KLHL4: variants seen among roughly 807,000 people sequenced by gnomAD.
KLHL4 encodes the protein kelch like family member 4.
Under a neutral mutation model 45.8 loss-of-function variants are expected in KLHL4, and 17 were observed. That is an observed-to-expected ratio of 0.37 (90% CI 0.25 to 0.56). The LOEUF (loss-of-function observed/expected upper bound fraction) is 0.56. Ranked by LOEUF, KLHL4 falls within the 20% of genes least tolerant of loss-of-function variation. The pLI is 0.79. For synonymous variants in KLHL4, 224 were observed against 189.9 expected (o/e 1.18, Z -1.47); for missense variants, 544 against 544.9 (o/e 1.00, Z 0.02).
chrX:87,649,276 CATAA>C lies in KLHL4; in HGVS notation c.1925+13505_1925+13508del, dbSNP rs963746612. Among the ~76,000 whole-genome samples the C allele has an allele frequency of 2.7e-5, 3 of 111,588 alleles. No individual in the cohort carries two copies. In the Admixed American group the frequency reaches 2.9e-4, roughly 11 times the overall value. ...TCTAGTTACCTCATAAAAGTGGAAT[CATAA>C]ATAGTTATTATTTTATGATTGTCAT... On this transcript the variant is annotated intron_variant, in intron 9 of 10. Coordinates refer to ENST00000373119, the MANE Select transcript of KLHL4 (RefSeq NM_019117.5).
At chrX:87,630,339 GA>G (rs1923056368) in intron 6 of KLHL4, among the ~76,000 whole-genome samples, 1 of 110,943 alleles carries the variant, frequency 9.0e-6, no homozygotes, top group Non-Finnish European at 1.9e-5. Context: ...TAATTGGGAT[GA>G]AATTTTTTTT....
chrX:87,630,734 C>T (rs2147822990), intron 6 of KLHL4, among the ~76,000 whole-genome samples: 1 of 111,765 alleles, frequency 8.9e-6, no homozygotes, highest in East Asian at 2.8e-4. Context: ...AAACTTTGCA[C>T]ATTAGTAATT....
intron 6 of KLHL4, among the ~76,000 whole-genome samples, chrX:87,628,832 T>A (rs1157031878): frequency 8.9e-6 from 1 of 112,205 alleles, no homozygotes; most frequent in Non-Finnish European, 1.9e-5. Context: ...TAAATACAGA[T>A]ATCACACAAA....
At chrX:87,621,629 C>T (rs747558999) in intron 4 of KLHL4, among the ~76,000 whole-genome samples, 14 of 110,835 alleles carry the variant, frequency 1.3e-4, no homozygotes, top group Non-Finnish European at 2.1e-4. Flanking sequence ...TTTAGATTGT[C>T]CTGAACCCAT....
chrX:87,652,224 T>A (rs1437467043), intron 9 of KLHL4, among the ~76,000 whole-genome samples: 1 of 112,336 alleles, frequency 8.9e-6, no homozygotes, highest in Non-Finnish European at 1.9e-5. Context: ...CCTCCAGGCC[T>A]GTGATGGGAG....
intron 1 of KLHL4, among the ~76,000 whole-genome samples, chrX:87,539,913 C>T (rs900128668): frequency 2.7e-5 from 3 of 111,110 alleles, no homozygotes; most frequent in African/African-American, 9.8e-5. Context: ...TTCGTCTGAA[C>T]ATCACAGTGT....
chrX:87,547,763 G>C (rs1212079053), intron 1 of KLHL4, among the ~76,000 whole-genome samples: 1 of 111,015 alleles, frequency 9.0e-6, no homozygotes, highest in Non-Finnish European at 1.9e-5. Flanking sequence ...GGAGCTTGCA[G>C]TGAGCCAAGG....
chrX:87,531,537 A>T (rs1355312983), intron 1 of KLHL4, among the ~76,000 whole-genome samples: 1 of 108,545 alleles, frequency 9.2e-6, no homozygotes, highest in East Asian at 3.0e-4. Context: ...AGAGGAAGTC[A>T]AATTGTCCCT....
intron 9 of KLHL4, among the ~76,000 whole-genome samples, chrX:87,662,764 C>G (rs1215395519): frequency 1.8e-5 from 2 of 109,512 alleles, no homozygotes; most frequent in Non-Finnish European, 3.8e-5. Context: ...CCCGTCTCTA[C>G]TAAAAATACA....
In KLHL4 at chrX:87,667,021, A is replaced by G. The variant is rs1924392842; in HGVS notation, c.*487A>G. 4 of 734,515 alleles carry G rather than the reference A, an allele frequency of 5.4e-6. No homozygotes were observed. The highest frequency in any genetic ancestry group is 6.4e-6 in the Non-Finnish European group (4 of 621,187). The allele number at this position is 734,515 out of a possible 1,213,427, so 60.5% of individuals were successfully genotyped here. A position where few individuals can be genotyped will look rare whatever the true frequency, so the allele number is the denominator to read the frequency against. On this transcript the variant is annotated 3_prime_UTR_variant, in exon 11 of 11. Coordinates refer to ENST00000373119, the MANE Select transcript of KLHL4 (RefSeq NM_019117.5). ...TAGTAAGCCATTATTCTCCTATTCAAATAATATCCCAAAGAGCTAAACAAT... is the reference window on the plus strand; with the variant it reads ...TAGTAAGCCATTATTCTCCTATTCAGATAATATCCCAAAGAGCTAAACAAT...
chrX:87,548,871 C>G (rs1419536922), intron 1 of KLHL4, among the ~76,000 whole-genome samples: 3 of 97,258 alleles, frequency 3.1e-5, no homozygotes, highest in African/African-American at 1.1e-4. Flanking sequence ...GAGAAGATCA[C>G]AAAACAACCA....
intron 9 of KLHL4, among the ~76,000 whole-genome samples, chrX:87,638,562 TA>T (rs1923344693): frequency 1.8e-5 from 2 of 111,335 alleles, no homozygotes; most frequent in Admixed American, 1.9e-4. Context: ...ACAAAACAAT[TA>T]GTCAAGAATT....
intron 1 of KLHL4, among the ~76,000 whole-genome samples, chrX:87,533,447 C>T (rs1388239691): frequency 8.9e-5 from 9 of 101,248 alleles, no homozygotes; most frequent in Admixed American, 1.1e-4. Context: ...AGTAAACTAT[C>T]GCAAGGACAA....
chrX:87,649,427 A>G (rs1352370980), intron 9 of KLHL4, among the ~76,000 whole-genome samples: 1 of 111,563 alleles, frequency 9.0e-6, no homozygotes, highest in Non-Finnish European at 1.9e-5. Context: ...TTAGTCCCTT[A>G]TCATATGTAT....
chrX:87,609,391 T>G (rs1922299352), intron 1 of KLHL4, among the ~76,000 whole-genome samples: 1 of 111,692 alleles, frequency 9.0e-6, no homozygotes, highest in Admixed American at 9.5e-5. Flanking sequence ...GTAAAAGTGT[T>G]CCTATTTCTC....
rs746078979 is a variant in KLHL4 at position 87,640,221 on chromosome X, T to G, written c.1925+4446T>G. ...ACTAAAAAGTTACCAACAAAAAAAGTCTAGGTCCAGATGAAATCACAGGTG... is the reference window on the plus strand; with the variant it reads ...ACTAAAAAGTTACCAACAAAAAAAGGCTAGGTCCAGATGAAATCACAGGTG... On this transcript the variant is annotated intron_variant, in intron 9 of 10. Coordinates refer to ENST00000373119, the MANE Select transcript of KLHL4 (RefSeq NM_019117.5). 2.7e-5 allele frequency among the ~76,000 whole-genome samples: 3 copies of G among 110,752 alleles called. No individual in the cohort carries two copies. The South Asian group carries it at 1.1e-3, about 42-fold the overall frequency.
At chrX:87,627,350 G>C (rs1247765204) in intron 6 of KLHL4, among the ~76,000 whole-genome samples, 1 of 110,167 alleles carries the variant, frequency 9.1e-6, no homozygotes, top group Non-Finnish European at 1.9e-5. Flanking sequence ...GGAAAGGAAA[G>C]GGGATAGAAA....
At chrX:87,647,307 C>T (rs1308464641) in intron 9 of KLHL4, among the ~76,000 whole-genome samples, 1 of 111,588 alleles carries the variant, frequency 9.0e-6, no homozygotes, top group Non-Finnish European at 1.9e-5. Context: ...CTAGTACAAC[C>T]ACTATGGAAA....
chrX:87,609,886 G>T, intron 1 of KLHL4, among the ~76,000 whole-genome samples: 1 of 111,417 alleles, frequency 9.0e-6, no homozygotes, highest in South Asian at 3.8e-4. Context: ...AAAAGAGTGA[G>T]AACTCACACA....
Sources: allele counts gnomAD v4.1 joint callset (sites outside exome capture counted in the v4.1 genomes callset), GRCh38; gene constraint gnomAD v4.1.1; transcripts MANE v1.5; gene names NCBI Gene and HGNC (gene_info 2026-07-23, HGNC 2026-07-21).